Variants in ZNF562 observed in about 807,000 individuals in gnomAD.
ZNF562 encodes zinc finger protein 562.
ZNF562 carries 13 observed loss-of-function variants against 17.5 expected under a neutral mutation model. The observed-to-expected ratio is 0.74, with a 90% CI of 0.48 to 1.18. ZNF562 has a LOEUF of 1.18. Ranked by LOEUF, ZNF562 falls within the 50% of genes most tolerant of loss-of-function variation. The pLI is 0.00. For missense variants in ZNF562, 481 were observed against 498.5 expected (o/e 0.96, Z 0.33); for synonymous variants, 163 against 165.4 (o/e 0.99, Z 0.11).
In ZNF562 at chr19:9,653,684, T is replaced by C; in HGVS notation, c.546A>G (p.Gly182=). 6.2e-7 allele frequency: 1 copy of C among 1,614,114 alleles called. No homozygotes were observed. The highest frequency in any genetic ancestry group is 1.1e-5 in the South Asian group (1 of 91,078). Residue 182 remains glycine (G), a synonymous_variant, in exon 6 of 6, where the codon GGA becomes GGG. Coordinates refer to ENST00000453372, the MANE Select transcript of ZNF562 (RefSeq NM_001130031.2). ...GGCCTGGAGTTAAGGTGAAGACTTT[T>C]CCACATGGATTAAATTTGGAAAGTT... The part of the protein sequence containing the change: ...GQELSKFNPC[G]KVFTLTPGLA...
Position 9,658,141 on chromosome 19 carries a change from T to A in ZNF562, c.115-6A>T, listed in dbSNP as rs1478350074. The A allele has an allele frequency of 6.2e-7, 1 of 1,611,594 alleles. No individual in the cohort carries two copies. Among genetic ancestry groups the A allele is most frequent in the African/African-American group, 1.3e-5 (1 of 74,882 alleles). On this transcript the variant is annotated splice_polypyrimidine_tract_variant and splice_region_variant and intron_variant, in intron 3 of 5. Transcript: ENST00000453372. The stretch of plus-strand genomic sequence containing the variant: ...TCATCAAACGTCACTGAATCCTAAG[T>A]CATCAAACACATGCTGGTTTGAGCC...
chr19:9,653,530 A>C lies in ZNF562; in HGVS notation c.700T>G (p.Phe234Val). ...GTGATGGCTCTCTCACATTCCTGAA[A>C]TTCACAGAGTTTCTCTCCAATGTGG... ...GIHIGEKLCE[F>V]QECERAITTS... Residue 234 changes from phenylalanine (F) to valine (V), a missense_variant, in exon 6 of 6, where the codon TTT becomes GTT. By Grantham distance (50) the Phe-to-Val change is conservative. Coordinates refer to ENST00000453372, the MANE Select transcript of ZNF562 (RefSeq NM_001130031.2). 1.9e-6 allele frequency: 3 copies of C among 1,614,194 alleles called. No homozygotes were observed. The highest frequency in any genetic ancestry group is 1.3e-5 in the African/African-American group (1 of 75,072).
At chr19:9,654,817 C>A (rs1276374100) in intron 5 of ZNF562, among the ~76,000 whole-genome samples, 1 of 152,126 alleles carries the variant, frequency 6.6e-6, no homozygotes, top group Non-Finnish European at 1.5e-5. Flanking sequence ...CAAGAAACCC[C>A]CGTCTCAGCC....
At chr19:9,660,088 CAAA>C (rs1175978470) in intron 2 of ZNF562, among the ~76,000 whole-genome samples, 2,854 of 48,218 alleles carry the variant, frequency 0.059, 88 homozygotes, top group African/African-American at 0.14. Flanking sequence ...GACTCCATCT[CAAA>C]AAAAAAAAAA....
rs1030832938 is a variant in ZNF562 at position 9,652,826 on chromosome 19, A to G, written c.*123T>C. The G allele has an allele frequency of 1.3e-5, 11 of 833,244 alleles. No individual in the cohort carries two copies. Among genetic ancestry groups the G allele is most frequent in the African/African-American group, 8.6e-5 (5 of 58,270 alleles). 51.6% of individuals were successfully genotyped at this position (833,244 alleles called of 1,614,324 possible). ...CTCCCCAGTGTGAATTCTTTCATGC[A>G]TACTTAGGCATGAGGAAAGAGCAAA... On this transcript the variant is annotated 3_prime_UTR_variant, in exon 6 of 6. Coordinates refer to ENST00000453372, the MANE Select transcript of ZNF562 (RefSeq NM_001130031.2).
At chr19:9,669,493 G>T (rs140709342) in intron 1 of ZNF562, among the ~76,000 whole-genome samples, 1 of 152,220 alleles carries the variant, frequency 6.6e-6, no homozygotes, top group African/African-American at 2.4e-5. Context: ...GATAATCCTT[G>T]TATGCAGTTG....
At chr19:9,672,257 T>G (rs2044223419) in intron 1 of ZNF562, among the ~76,000 whole-genome samples, 1 of 152,206 alleles carries the variant, frequency 6.6e-6, no homozygotes, top group Non-Finnish European at 1.5e-5. Flanking sequence ...AGAATTTTAG[T>G]TATTACGGAA....
In ZNF562 at chr19:9,653,270, T is replaced by G; in HGVS notation, c.960A>C (p.Glu320Asp). The change falls in exon 6 of 6, where the codon GAA becomes GAC. Residue 320 changes from glutamate (E) to aspartate (D), a missense_variant. This residue lies in a region of ZNF562 where 403 missense variants were observed against 386.4 expected (regional missense o/e 1.04). Coordinates refer to ENST00000453372, the MANE Select transcript of ZNF562 (RefSeq NM_001130031.2). The part of the protein sequence containing the change: ...HTGIKPHKCT[E>D]CGKAFTRSTH... ...TTGATCTAGTGAAGGCTTTCCCACA[T>G]TCCGTACATTTGTGTGGTTTTATTC... The G allele has an allele frequency of 6.2e-7, 1 of 1,614,232 alleles. No individual in the cohort carries two copies. Among genetic ancestry groups the G allele is most frequent in the Non-Finnish European group, 8.5e-7 (1 of 1,180,044 alleles).
chr19:9,661,143 G>T (rs1247175066), intron 1 of ZNF562, among the ~76,000 whole-genome samples: 1 of 151,978 alleles, frequency 6.6e-6, no homozygotes, highest in Non-Finnish European at 1.5e-5. Flanking sequence ...ATGTATCTAT[G>T]TATCTATCCA....
At position 9,653,697 on chromosome 19, in the gene ZNF562, A is replaced by C. The variant is rs746721397; in HGVS notation, c.533T>G (p.Phe178Cys). 1.2e-6 allele frequency: 2 copies of C among 1,614,080 alleles called. No individual in the cohort carries two copies. Among genetic ancestry groups the C allele is most frequent in the Non-Finnish European group, 1.7e-6 (2 of 1,179,954 alleles). ...EASIGQELSKFNPCGKVFTLT... is the reference protein window; with the variant it reads ...EASIGQELSKCNPCGKVFTLT... ...GGTGAAGACTTTTCCACATGGATTA[A>C]ATTTGGAAAGTTCTTGTCCAATAGA... is the stretch of plus-strand genomic sequence containing the variant. Residue 178 changes from phenylalanine to cysteine, a missense_variant, in exon 6 of 6, where the codon TTT becomes TGT. Transcript: ENST00000453372.
At chr19:9,661,440 T>G (rs989981005) in intron 1 of ZNF562, among the ~76,000 whole-genome samples, 6 of 152,126 alleles carry the variant, frequency 3.9e-5, no homozygotes, top group Non-Finnish European at 8.8e-5. Flanking sequence ...GGCCTCAGCC[T>G]CCCGAGTAGC....
intron 5 of ZNF562, among the ~76,000 whole-genome samples, chr19:9,655,006 G>C (rs913886111): frequency 6.6e-6 from 1 of 151,960 alleles, no homozygotes; most frequent in Non-Finnish European, 1.5e-5. Context: ...GTTGGGGGTG[G>C]TTTGAGACAG....
chr19:9,667,034 C>A (rs1355060896), intron 1 of ZNF562, among the ~76,000 whole-genome samples: 2 of 134,506 alleles, frequency 1.5e-5, no homozygotes, highest in Admixed American at 1.5e-4. Context: ...GAGCATTATT[C>A]TCATATCAAA....
chr19:9,646,854 C>A lies in ZNF562; in HGVS notation c.*6095G>T, dbSNP rs2074810418. The A allele has an allele frequency of 6.6e-6, 1 of 150,782 alleles. No homozygotes were observed. The highest frequency in any genetic ancestry group is 2.4e-5 in the African/African-American group (1 of 41,002). 9.3% of individuals were successfully genotyped at this position (150,782 alleles called of 1,614,324 possible). A position where few individuals can be genotyped will look rare whatever the true frequency, so the allele number is the denominator to read the frequency against. On this transcript the variant is annotated 3_prime_UTR_variant, in exon 6 of 6. Transcript: ENST00000453372. The stretch of plus-strand genomic sequence containing the variant: ...TGGCAAGAACTCAACTCACTGCAAC[C>A]TTCGCCTCCCAGATTCAAGCAATTC...
At position 9,641,934 on chromosome 19, in the gene ZNF562, T is replaced by A. The variant is rs2074774463; in HGVS notation, c.*11015A>T. On this transcript the variant is annotated 3_prime_UTR_variant, in exon 6 of 6. Coordinates refer to ENST00000453372, the MANE Select transcript of ZNF562 (RefSeq NM_001130031.2). ...GGATAAGCGGTGGAGTTAGGAGCAA[T>A]TTTTTTTGTAGGCAGTGGGGTGGAC... 2 of 151,882 alleles carry A rather than the reference T, an allele frequency of 1.3e-5. No homozygotes were observed. Among genetic ancestry groups the A allele is most frequent in the South Asian group, 4.2e-4 (2 of 4,818 alleles). The allele number at this position is 151,882 out of a possible 1,614,324, so 9.4% of individuals were successfully genotyped here. A position where few individuals can be genotyped will look rare whatever the true frequency, so the allele number is the denominator to read the frequency against.
intron 5 of ZNF562, among the ~76,000 whole-genome samples, chr19:9,655,832 A>G (rs764484575): frequency 1.5e-5 from 2 of 136,974 alleles, no homozygotes; most frequent in African/African-American, 5.6e-5. Flanking sequence ...GCCTCTGGGT[A>G]AGCAATTGTC....
At chr19:9,674,612 A>G (rs946155215) in intron 1 of ZNF562, 1 of 151,974 alleles carries the variant, frequency 6.6e-6, no homozygotes, top group African/African-American at 2.4e-5. Flanking sequence ...TCTTGAAACC[A>G]TTTTTCCGCC....
rs557743464 is a variant in ZNF562, at chr19:9,656,896, C to T, written c.242-243G>A. On this transcript the variant is annotated intron_variant, in intron 4 of 5. Transcript: ENST00000453372. ...AATATATATATATATATATATTAGC[C>T]GGGCGCGTTGGCATGTGCCTGTAGT... is the stretch of plus-strand genomic sequence containing the variant. 3.2e-3 allele frequency among the ~76,000 whole-genome samples: 425 copies of T among 132,802 alleles called. 4 individuals carry two copies. The highest frequency in any genetic ancestry group is 5.5e-3 in the South Asian group (25 of 4,536). The allele number at this position is 132,802 out of a possible 152,430, so 87.1% of individuals were successfully genotyped here. A position where few individuals can be genotyped will look rare whatever the true frequency, so the allele number is the denominator to read the frequency against.
At chr19:9,672,813 CTT>C (rs774804454) in intron 1 of ZNF562, among the ~76,000 whole-genome samples, 1 of 131,246 alleles carries the variant, frequency 7.6e-6, no homozygotes, top group Admixed American at 8.5e-5. Context: ...CAGTTTCGCT[CTT>C]GTCACCCAGG....
Sources: gnomAD v4.1 joint callset for allele counts (sites outside exome capture counted in the v4.1 genomes callset) on GRCh38, gnomAD v4.1.1 for gene constraint, gnomAD v4.1.1 regional missense constraint, MANE v1.5 for transcripts, NCBI Gene and HGNC (gene_info 2026-07-23, HGNC 2026-07-21) for gene names.